UNC13C: variants seen among roughly 807,000 people sequenced by gnomAD.
UNC13C encodes unc-13 homolog C, also known as protein unc-13 homolog C.
Under a neutral mutation model 245.4 loss-of-function variants are expected in UNC13C, and 174 were observed. That is an observed-to-expected ratio of 0.71 (90% CI 0.63 to 0.80). The LOEUF (loss-of-function observed/expected upper bound fraction) is 0.80, where lower values mean the gene tolerates loss of function less well. Ranked by LOEUF, UNC13C falls within the 30% of genes least tolerant of loss-of-function variation. The pLI, the probability that UNC13C is intolerant of heterozygous loss-of-function variation, is 0.00. For missense variants in UNC13C, 2,829 were observed against 2,602.9 expected (o/e 1.09, Z -1.89); for synonymous variants, 992 against 895.1 (o/e 1.11, Z -1.93).
chr15:54,216,282 C>T lies in UNC13C; in HGVS notation c.3072-18748C>T, dbSNP rs572818067. 4.0e-4 allele frequency among the ~76,000 whole-genome samples: 61 copies of T among 152,006 alleles called. 1 individual carries two copies. Among genetic ancestry groups the T allele is most frequent in the African/African-American group, 1.4e-3 (58 of 41,524 alleles). Reference sequence around the variant, plus strand: ...GCTCATTTTCCACATCCTTAAAATACAAAAATATTGGAATATAGCATTTTT... The same window carrying T: ...GCTCATTTTCCACATCCTTAAAATATAAAAATATTGGAATATAGCATTTTT... On this transcript the variant is annotated intron_variant, in intron 4 of 32. Coordinates refer to ENST00000260323, the MANE Select transcript of UNC13C (RefSeq NM_001080534.3).
chr15:54,143,739 T>C (rs1245528454), intron 4 of UNC13C, 55 bp downstream of exon 4: 1 of 1,382,908 alleles, frequency 7.2e-7, no homozygotes, highest in Non-Finnish European at 1.0e-6. Context: ...CACTTGGCTG[T>C]GTTCTCAACA....
the UNC13C span, among the ~76,000 whole-genome samples, chr15:53,879,936 ATG>A: frequency 6.7e-6 from 1 of 149,186 alleles, no homozygotes. Flanking sequence ...AAAATTTATC[ATG>A]CTGCGTGTGT....
chr15:54,566,909 G>A (rs1897539835), intron 29 of UNC13C, among the ~76,000 whole-genome samples: 2 of 152,108 alleles, frequency 1.3e-5, no homozygotes, highest in African/African-American at 4.8e-5. Context: ...ACAGTTACTA[G>A]TGAGTGCTTT....
At chr15:54,622,926 CTTCAATACCCACTTTGAGCAAAA>C (rs1341829754) in intron 31 of UNC13C, among the ~76,000 whole-genome samples, 2 of 152,040 alleles carry the variant, frequency 1.3e-5, no homozygotes, top group African/African-American at 4.8e-5. Flanking sequence ...ATATTAGTCA[CTTCAATACCCACTTTGAGCAAAA>C]CTAGGGCTGC....
chr15:54,250,203 G>T, intron 7 of UNC13C, 22 bp from the exon 8 acceptor site: 1 of 1,608,602 alleles, frequency 6.2e-7, no homozygotes, highest in Non-Finnish European at 8.5e-7. Flanking sequence ...CGGTGCATTG[G>T]TAACTTCTCT....
intron 4 of UNC13C, among the ~76,000 whole-genome samples, chr15:54,152,424 T>A (rs975792113): frequency 1.3e-5 from 2 of 152,234 alleles, no homozygotes. Context: ...TATATTAGTA[T>A]ACATTTCAGC....
intron 10 of UNC13C, among the ~76,000 whole-genome samples, chr15:54,273,295 A>G (rs975511488): frequency 5.3e-5 from 8 of 152,032 alleles, no homozygotes; most frequent in African/African-American, 1.9e-4. Context: ...TTATTCACCT[A>G]TATCTGTTTT....
chr15:53,880,777 T>G, the UNC13C span, among the ~76,000 whole-genome samples: 3 of 150,100 alleles, frequency 2.0e-5, no homozygotes, highest in Admixed American at 2.0e-4. Flanking sequence ...CAGCAGATAA[T>G]AGACAAAATA....
chr15:54,509,073 C>T (rs1894615965), intron 23 of UNC13C, among the ~76,000 whole-genome samples: 2 of 152,096 alleles, frequency 1.3e-5, no homozygotes, highest in African/African-American at 2.4e-5. Context: ...GTGGCGTGCA[C>T]CTGTAATCCA....
intron 19 of UNC13C, among the ~76,000 whole-genome samples, chr15:54,439,005 G>A (rs1371051050): frequency 6.6e-6 from 1 of 151,634 alleles, no homozygotes; most frequent in Admixed American, 6.6e-5. Flanking sequence ...TAAGTATCTG[G>A]TTCTCTTACC....
At chr15:54,104,498 T>A (rs1004911607) in intron 2 of UNC13C, among the ~76,000 whole-genome samples, 2 of 152,116 alleles carry the variant, frequency 1.3e-5, no homozygotes, top group African/African-American at 2.4e-5. Flanking sequence ...TCTGTTTTAT[T>A]TTCCTTCCCT....
chr15:54,344,257 A>C (rs892789296), intron 17 of UNC13C, among the ~76,000 whole-genome samples: 2 of 152,228 alleles, frequency 1.3e-5, no homozygotes, highest in Non-Finnish European at 1.5e-5. Context: ...CTAATACATA[A>C]ATAATAACAA....
chr15:54,530,661 T>C (rs984974770), intron 25 of UNC13C, among the ~76,000 whole-genome samples: 3 of 152,104 alleles, frequency 2.0e-5, no homozygotes, highest in Admixed American at 2.0e-4. Flanking sequence ...ATTTGATATA[T>C]GCCTGAAATT....
intron 2 of UNC13C, among the ~76,000 whole-genome samples, chr15:54,114,500 T>C (rs140174320): frequency 6.6e-6 from 1 of 152,186 alleles, no homozygotes; most frequent in African/African-American, 2.4e-5. Context: ...ATTTTAGATT[T>C]TTGAAAACTA....
chr15:54,500,549 G>A (rs1166881375), intron 21 of UNC13C, among the ~76,000 whole-genome samples: 3 of 151,950 alleles, frequency 2.0e-5, no homozygotes, highest in East Asian at 1.9e-4. Flanking sequence ...AGCCACAACC[G>A]TCTTGCTAAG....
At chr15:53,844,144 C>T in the UNC13C span, among the ~76,000 whole-genome samples, 2 of 152,052 alleles carry the variant, frequency 1.3e-5, no homozygotes, top group African/African-American at 4.8e-5. Flanking sequence ...GACACAACCT[C>T]TGAAATCAGA....
At chr15:53,948,850 T>C in the UNC13C span, among the ~76,000 whole-genome samples, 1 of 151,818 alleles carries the variant, frequency 6.6e-6, no homozygotes, top group Non-Finnish European at 1.5e-5. Context: ...TGAGACTGAA[T>C]CAAAAGGCAG....
chr15:54,281,346 G>T (rs1014737103), intron 10 of UNC13C, among the ~76,000 whole-genome samples: 11 of 152,138 alleles, frequency 7.2e-5, no homozygotes, highest in Admixed American at 1.3e-4. Flanking sequence ...TTGTGTTTAA[G>T]ATTTATTATC....
chr15:53,939,029 A>G, the UNC13C span, among the ~76,000 whole-genome samples: 4 of 152,150 alleles, frequency 2.6e-5, no homozygotes, highest in African/African-American at 9.7e-5. Flanking sequence ...GAGCCAAGAA[A>G]AACTCTTAAA....
Sources: allele counts gnomAD v4.1 joint callset (sites outside exome capture counted in the v4.1 genomes callset), GRCh38; gene constraint gnomAD v4.1.1; transcripts MANE v1.5; gene names NCBI Gene and HGNC (gene_info 2026-07-23, HGNC 2026-07-21).